The following SPOCK3 variants were observed in gnomAD, a reference collection of about 807,000 sequenced individuals.
SPOCK3 encodes testican-3.
Under a neutral mutation model 56.6 loss-of-function variants are expected in SPOCK3, and 30 were observed. The ratio of observed to expected loss-of-function variants is 0.53; its 90% CI spans 0.40 to 0.72. The LOEUF (loss-of-function observed/expected upper bound fraction) is 0.72. Among genes scored for constraint, SPOCK3 ranks in the 30% least tolerant of loss-of-function variants. The probability of loss-of-function intolerance (pLI) is 0.00; values close to 1 mark genes in which losing one functional copy is unlikely to be tolerated. For synonymous variants in SPOCK3, 196 were observed against 183.3 expected (o/e 1.07, Z -0.56); for missense variants, 527 against 530.0 (o/e 0.99, Z 0.06).
chr4:167,126,287 C>T (rs2150372780), intron 2 of SPOCK3, among the ~76,000 whole-genome samples: 1 of 152,288 alleles, frequency 6.6e-6, no homozygotes, highest in African/African-American at 2.4e-5. Flanking sequence ...GTGGCTCACA[C>T]ATGTAATCCC....
At chr4:166,928,179 C>G (rs1460692541) in intron 4 of SPOCK3, among the ~76,000 whole-genome samples, 1 of 152,182 alleles carries the variant, frequency 6.6e-6, no homozygotes, top group Non-Finnish European at 1.5e-5. Flanking sequence ...AGCTTCCTCT[C>G]AAACTAAACA....
chr4:166,850,552 G>A (rs1461124873), intron 6 of SPOCK3, among the ~76,000 whole-genome samples: 1 of 152,200 alleles, frequency 6.6e-6, no homozygotes, highest in East Asian at 1.9e-4. Context: ...TCCATCTGAG[G>A]TACCGGGTTC....
intron 4 of SPOCK3, among the ~76,000 whole-genome samples, chr4:166,916,626 G>C (rs1162980668): frequency 6.6e-6 from 1 of 152,000 alleles, no homozygotes; most frequent in Non-Finnish European, 1.5e-5. Flanking sequence ...GAGGGTAAAT[G>C]ATGTTACCAA....
At chr4:167,135,492 A>G (rs1201521546) in intron 2 of SPOCK3, among the ~76,000 whole-genome samples, 1 of 152,174 alleles carries the variant, frequency 6.6e-6, no homozygotes, top group Admixed American at 6.6e-5. Flanking sequence ...AATCTTTCTC[A>G]CTGTTCAGCA....
chr4:167,103,737 A>T (rs533386895), intron 2 of SPOCK3, among the ~76,000 whole-genome samples: 9 of 152,236 alleles, frequency 5.9e-5, no homozygotes, highest in Admixed American at 2.0e-4. Flanking sequence ...TAGGACCTTG[A>T]GCAAACATAG....
chr4:167,135,049 T>A (rs572339371), intron 2 of SPOCK3, among the ~76,000 whole-genome samples: 29 of 151,028 alleles, frequency 1.9e-4, no homozygotes, highest in Admixed American at 1.7e-3. Flanking sequence ...TTTAAGATGC[T>A]GTTGGCTCAA....
chr4:167,009,250 C>T (rs1051788421), intron 3 of SPOCK3, among the ~76,000 whole-genome samples: 1 of 152,058 alleles, frequency 6.6e-6, no homozygotes, highest in Non-Finnish European at 1.5e-5. Flanking sequence ...AGGGCATTAC[C>T]TGTTCTCTTG....
intron 2 of SPOCK3, chr4:167,083,319 T>C (rs1482751107): frequency 2.6e-6 from 2 of 764,300 alleles, no homozygotes; most frequent in East Asian, 4.9e-5. Context: ...CCTACTGAGA[T>C]GCCCCACAGT....
At chr4:167,219,460 T>A (rs943732196) in intron 2 of SPOCK3, among the ~76,000 whole-genome samples, 1 of 152,180 alleles carries the variant, frequency 6.6e-6, no homozygotes, top group Non-Finnish European at 1.5e-5. Context: ...TTACTATTTT[T>A]AGGAGGTATA....
chr4:166,764,427 G>C (rs540309532), intron 7 of SPOCK3, among the ~76,000 whole-genome samples: 1 of 152,132 alleles, frequency 6.6e-6, no homozygotes, highest in East Asian at 1.9e-4. Flanking sequence ...ACCTATGAGT[G>C]AGAACATGCG....
rs560672331 is a variant in SPOCK3, at chr4:166,817,463, C to A, written c.590-25174G>T. On this transcript the variant is annotated intron_variant, in intron 6 of 10. Coordinates refer to ENST00000357545, the MANE Select transcript of SPOCK3 (RefSeq NM_001040159.2). Reference sequence around the variant, plus strand: ...ATAATATGGGCTTAAATGTGAGGGACCCGTAGAGTATTGTATCCCAACTGA... The same window carrying A: ...ATAATATGGGCTTAAATGTGAGGGAACCGTAGAGTATTGTATCCCAACTGA... 2.6e-5 allele frequency among the ~76,000 whole-genome samples: 4 copies of A among 152,064 alleles called. No homozygotes were observed. The South Asian group carries it at 8.3e-4, about 31-fold the overall frequency.
intron 6 of SPOCK3, among the ~76,000 whole-genome samples, chr4:166,847,240 C>T (rs1055945513): frequency 6.6e-6 from 1 of 151,950 alleles, no homozygotes; most frequent in Non-Finnish European, 1.5e-5. Context: ...GTTGGCAGGC[C>T]ATTTGGGAGG....
At chr4:166,767,129 C>A (rs1738198534) in intron 7 of SPOCK3, among the ~76,000 whole-genome samples, 2 of 151,886 alleles carry the variant, frequency 1.3e-5, no homozygotes, top group South Asian at 2.1e-4. Flanking sequence ...TTGATCTTTT[C>A]AAAAAACCAG....
intron 2 of SPOCK3, among the ~76,000 whole-genome samples, chr4:167,115,373 T>C (rs925415705): frequency 4.0e-5 from 6 of 150,056 alleles, no homozygotes; most frequent in Admixed American, 6.7e-5. Context: ...GATTGAAATA[T>C]ATTTCAGGAC....
chr4:166,906,752 T>A (rs1467171485), intron 5 of SPOCK3, among the ~76,000 whole-genome samples: 1 of 151,996 alleles, frequency 6.6e-6, no homozygotes, highest in African/African-American at 2.4e-5. Flanking sequence ...TTTTATTTTT[T>A]AATTTTTTTT....
chr4:166,985,187 T>A (rs935060182), intron 4 of SPOCK3, among the ~76,000 whole-genome samples: 1 of 152,110 alleles, frequency 6.6e-6, no homozygotes, highest in African/African-American at 2.4e-5. Context: ...CAGGGTACCT[T>A]TGGATTGTTT....
chr4:167,185,267 T>G (rs1467697244), intron 2 of SPOCK3, among the ~76,000 whole-genome samples: 1 of 152,202 alleles, frequency 6.6e-6, no homozygotes, highest in Non-Finnish European at 1.5e-5. Context: ...TAACTAAATA[T>G]TAAAACAGTG....
At chr4:166,770,204 G>A (rs990296129) in intron 7 of SPOCK3, among the ~76,000 whole-genome samples, 1 of 152,058 alleles carries the variant, frequency 6.6e-6, no homozygotes, top group East Asian at 1.9e-4. Flanking sequence ...TGCCCCCACT[G>A]TCCGATAAGC....
chr4:166,966,239 C>T (rs1744718614), intron 4 of SPOCK3, among the ~76,000 whole-genome samples: 1 of 127,908 alleles, frequency 7.8e-6, no homozygotes, highest in Non-Finnish European at 1.7e-5. Context: ...ATCCTTTCAG[C>T]GTTTTTTTTT....
Sources: gnomAD v4.1 joint callset for allele counts (sites outside exome capture counted in the v4.1 genomes callset) on GRCh38, gnomAD v4.1.1 for gene constraint, MANE v1.5 for transcripts, NCBI Gene and HGNC (gene_info 2026-07-23, HGNC 2026-07-21) for gene names.